The following ATRNL1 variants were observed in gnomAD, a reference collection of about 807,000 sequenced individuals.
ATRNL1 encodes attractin-like protein 1.
ATRNL1 carries 95 observed loss-of-function variants against 182.7 expected under a neutral mutation model. The ratio of observed to expected loss-of-function variants is 0.52; its 90% CI spans 0.44 to 0.62. The LOEUF (loss-of-function observed/expected upper bound fraction) is 0.62. Ranked by LOEUF, ATRNL1 falls within the 20% of genes least tolerant of loss-of-function variation. ATRNL1 has a pLI of 0.00. For missense variants in ATRNL1, 1,471 were observed against 1,679.5 expected (o/e 0.88, Z 2.17); for synonymous variants, 576 against 568.3 (o/e 1.01, Z -0.19).
intron 15 of ATRNL1, among the ~76,000 whole-genome samples, chr10:115,296,928 C>CA (rs1425347007): frequency 6.6e-6 from 1 of 152,126 alleles, no homozygotes; most frequent in African/African-American, 2.4e-5. Context: ...GGGAGAGAAA[C>CA]AAACACAATT....
intron 28 of ATRNL1, among the ~76,000 whole-genome samples, chr10:115,927,218 C>T (rs1953262894): frequency 6.6e-6 from 1 of 152,142 alleles, no homozygotes; most frequent in Admixed American, 6.6e-5. Context: ...TTCAACATCC[C>T]TTCATGTTAA....
At chr10:115,490,623 T>C (rs1849252740) in intron 24 of ATRNL1, among the ~76,000 whole-genome samples, 1 of 152,186 alleles carries the variant, frequency 6.6e-6, no homozygotes, top group South Asian at 2.1e-4. Flanking sequence ...GCAATTCATC[T>C]AACCTTTTTT....
At chr10:115,767,110 A>G (rs1229448811) in intron 27 of ATRNL1, among the ~76,000 whole-genome samples, 1 of 152,102 alleles carries the variant, frequency 6.6e-6, no homozygotes, top group Non-Finnish European at 1.5e-5. Flanking sequence ...GTGTCCCGAG[A>G]GTTTTTCTCT....
chr10:115,501,557 T>A (rs898992867), intron 24 of ATRNL1, among the ~76,000 whole-genome samples: 1 of 152,204 alleles, frequency 6.6e-6, no homozygotes, highest in African/African-American at 2.4e-5. Flanking sequence ...TTAAAACAGA[T>A]TCTTATTGCA....
chr10:115,726,256 A>AT (rs1947593964), intron 26 of ATRNL1, among the ~76,000 whole-genome samples: 1 of 152,214 alleles, frequency 6.6e-6, no homozygotes, highest in African/African-American at 2.4e-5. Context: ...TTTTAAGTAA[A>AT]TGACAGAGAA....
At chr10:115,637,493 A>G (rs1198133099) in intron 26 of ATRNL1, among the ~76,000 whole-genome samples, 25 of 151,918 alleles carry the variant, frequency 1.6e-4, no homozygotes, top group Non-Finnish European at 1.5e-5. Context: ...ATATTTTTGT[A>G]TAGCAGTATG....
intron 26 of ATRNL1, among the ~76,000 whole-genome samples, chr10:115,712,987 C>A (rs980870423): frequency 6.6e-5 from 10 of 152,258 alleles, no homozygotes; most frequent in African/African-American, 1.9e-4. Context: ...TCCATTTATC[C>A]CAACCCTAAA....
rs984241039 is a variant in ATRNL1, at chr10:115,764,722, G to A, written c.3903+37367G>A. Among the ~76,000 whole-genome samples the A allele has an allele frequency of 3.3e-5, 5 of 152,146 alleles. No homozygotes were observed. In the South Asian group the frequency reaches 8.3e-4, roughly 25 times the overall value. ...GAGTCTCACTCTGTTGCCCAGGCTG[G>A]AGTGCAATGGTGCAATCTTGGCTCA... On this transcript the variant is annotated intron_variant, in intron 27 of 28. Coordinates refer to ENST00000355044, the MANE Select transcript of ATRNL1 (RefSeq NM_207303.4).
chr10:115,128,905 G>A (rs1845098181), intron 4 of ATRNL1, among the ~76,000 whole-genome samples: 1 of 151,186 alleles, frequency 6.6e-6, no homozygotes, highest in Non-Finnish European at 1.5e-5. Flanking sequence ...ATGGGTGATA[G>A]CATGCTCTTT....
intron 26 of ATRNL1, among the ~76,000 whole-genome samples, chr10:115,646,954 C>T (rs1374619175): frequency 3.7e-4 from 44 of 120,166 alleles, no homozygotes; most frequent in African/African-American, 1.3e-3. Flanking sequence ...TCCCCCCCTC[C>T]CCCCACCCCA....
chr10:115,469,212 G>T lies in ATRNL1; in HGVS notation c.3537G>T (p.Lys1179Asn). The change falls in exon 24 of 29, where the codon AAG (lysine) becomes AAT (asparagine). Residue 1179 changes from lysine to asparagine, a missense_variant. Lys to Asn is a moderately conservative substitution (Grantham distance 94, BLOSUM62 0). Around this residue, in one of 3 missense-constraint regions of ATRNL1, gnomAD observed 437 missense variants for 506.0 expected, o/e 0.86. Transcript: ENST00000355044. Reference protein sequence around the residue: ...ISGEETSIVSKNNIKEYRDSF... With the variant: ...ISGEETSIVSNNNIKEYRDSF... ...GGGAAGAGACTTCTATAGTTTCCAA[G>T]AATAATATAAAGGAATACAGAGATA... The T allele has an allele frequency of 1.4e-6, 2 of 1,393,926 alleles. No homozygotes were observed. The highest frequency in any genetic ancestry group is 1.9e-6 in the Non-Finnish European group (2 of 1,043,240). The allele number at this position is 1,393,926 out of a possible 1,614,324, so 86.3% of individuals were successfully genotyped here.
At chr10:115,354,539 T>G (rs1269178361) in intron 19 of ATRNL1, among the ~76,000 whole-genome samples, 5 of 152,170 alleles carry the variant, frequency 3.3e-5, no homozygotes, top group African/African-American at 1.2e-4. Context: ...AACTCCCCAC[T>G]GAGAAGGCTG....
intron 19 of ATRNL1, among the ~76,000 whole-genome samples, chr10:115,374,010 G>C (rs190286672): frequency 6.6e-6 from 1 of 151,816 alleles, no homozygotes; most frequent in Admixed American, 6.6e-5. Flanking sequence ...GCTTTTCTTT[G>C]ATGGTAGACT....
intron 9 of ATRNL1, among the ~76,000 whole-genome samples, chr10:115,236,534 C>CT (rs1850188465): frequency 6.6e-6 from 1 of 152,152 alleles, no homozygotes; most frequent in Admixed American, 6.6e-5. Context: ...TCTGGTAAAT[C>CT]AGATGTAATT....
At chr10:115,384,520 A>T (rs1564983431) in intron 19 of ATRNL1, among the ~76,000 whole-genome samples, 1 of 152,046 alleles carries the variant, frequency 6.6e-6, no homozygotes, top group African/African-American at 2.4e-5. Context: ...CTCTGCTTCT[A>T]TAAAATGAAA....
Position 115,899,308 on chromosome 10 carries a change from G to T in ATRNL1, c.4019-45350G>T, listed in dbSNP as rs376363526. 7.3e-3 allele frequency among the ~76,000 whole-genome samples: 1,108 copies of T among 151,906 alleles called. 1 individual carries two copies. Among genetic ancestry groups the T allele is most frequent in the African/African-American group, 0.013 (520 of 41,428 alleles). On this transcript the variant is annotated intron_variant, in intron 28 of 28. Transcript: ENST00000355044. ...GCTTCATCCATGTCCCTATTTTTTT[G>T]TTGTTGTTGTTGTTTTTGAGACGGA...
intron 26 of ATRNL1, among the ~76,000 whole-genome samples, chr10:115,723,810 G>A (rs891735113): frequency 1.3e-5 from 2 of 151,976 alleles, no homozygotes; most frequent in Non-Finnish European, 1.5e-5. Flanking sequence ...CACCTGCCTC[G>A]GCCTCCCAAA....
intron 17 of ATRNL1, among the ~76,000 whole-genome samples, chr10:115,309,347 C>G (rs1554927153): frequency 6.6e-6 from 1 of 151,998 alleles, no homozygotes; most frequent in Non-Finnish European, 1.5e-5. Context: ...TGCACTGAAC[C>G]TGCAGATTGT....
At chr10:115,314,540 G>A (rs921336859) in intron 17 of ATRNL1, among the ~76,000 whole-genome samples, 15 of 152,044 alleles carry the variant, frequency 9.9e-5, no homozygotes, top group African/African-American at 2.7e-4. Flanking sequence ...TCATGATGCC[G>A]TGTATGTCTG....
Sources: allele counts gnomAD v4.1 joint callset (sites outside exome capture counted in the v4.1 genomes callset), GRCh38; gene constraint gnomAD v4.1.1; regional missense constraint gnomAD v4.1.1; transcripts MANE v1.5; gene names NCBI Gene and HGNC (gene_info 2026-07-23, HGNC 2026-07-21).